The following CRISPLD2 variants were observed in gnomAD, a reference collection of about 807,000 sequenced individuals.
CRISPLD2 encodes cysteine rich secretory protein LCCL domain containing 2.
In CRISPLD2, 47 loss-of-function variants were observed where a neutral mutation model predicts 71.1. The ratio of observed to expected loss-of-function variants is 0.66; its 90% CI spans 0.52 to 0.84. The LOEUF is 0.84. Ranked by LOEUF, CRISPLD2 falls within the 40% of genes least tolerant of loss-of-function variation. CRISPLD2 has a pLI of 0.00. For synonymous variants in CRISPLD2, 317 were observed against 250.1 expected (o/e 1.27, Z -2.52); for missense variants, 830 against 651.1 (o/e 1.27, Z -2.99).
chr16:84,851,329 G>C (rs1917083744), intron 5 of CRISPLD2, among the ~76,000 whole-genome samples: 1 of 152,236 alleles, frequency 6.6e-6, no homozygotes, highest in Non-Finnish European at 1.5e-5. Flanking sequence ...TCCAGCCCTT[G>C]ACTCATTTGC....
At chr16:84,825,728 C>G (rs1406273197) in intron 1 of CRISPLD2, among the ~76,000 whole-genome samples, 3 of 151,928 alleles carry the variant, frequency 2.0e-5, no homozygotes, top group African/African-American at 7.3e-5. Flanking sequence ...GCACTCCAGC[C>G]TGGGTGACAG....
At chr16:84,837,522 T>G (rs12448841) in intron 1 of CRISPLD2, among the ~76,000 whole-genome samples, 1 of 151,164 alleles carries the variant, frequency 6.6e-6, no homozygotes, top group Non-Finnish European at 1.5e-5. Flanking sequence ...GTTCACGCCA[T>G]TCTCCCGCCT....
chr16:84,846,090 C>G (rs1204598504), intron 3 of CRISPLD2, 186 bp downstream of exon 3: 2 of 494,186 alleles, frequency 4.0e-6, no homozygotes, highest in African/African-American at 3.9e-5. Flanking sequence ...AAAATGTATT[C>G]AAGCTTGGTT....
At chr16:84,828,526 C>A (rs1364832659) in intron 1 of CRISPLD2, among the ~76,000 whole-genome samples, 1 of 152,126 alleles carries the variant, frequency 6.6e-6, no homozygotes, top group Non-Finnish European at 1.5e-5. Context: ...AATTCCTTTC[C>A]CTTCGGAGAG....
rs1220421651 is a variant in CRISPLD2, at chr16:84,906,667, GC to G, written c.*26del. On this transcript the variant is annotated 3_prime_UTR_variant, in exon 15 of 15. Coordinates refer to ENST00000262424, the MANE Select transcript of CRISPLD2 (RefSeq NM_031476.4). The stretch of plus-strand genomic sequence containing the variant: ...AATTTCCAGCACCAGGGGAGAAGGG[GC>G]GTCTTCAGGAGGGCTTCGGGGTTTT... 1.2e-6 allele frequency: 2 copies of G among 1,613,936 alleles called. No homozygotes were observed. Among genetic ancestry groups the G allele is most frequent in the Admixed American group, 3.3e-5 (2 of 60,024 alleles).
chr16:84,836,767 T>C (rs1002063616), intron 1 of CRISPLD2, among the ~76,000 whole-genome samples: 1 of 152,156 alleles, frequency 6.6e-6, no homozygotes, highest in Admixed American at 6.5e-5. Flanking sequence ...ACTGCCACTG[T>C]CCCAGCCAAC....
At chr16:84,869,177 C>A (rs2071443602) in intron 8 of CRISPLD2, among the ~76,000 whole-genome samples, 1 of 152,088 alleles carries the variant, frequency 6.6e-6, no homozygotes, top group African/African-American at 2.4e-5. Flanking sequence ...CCGGTATATT[C>A]CCCCCATGGT....
chr16:84,835,812 C>T (rs1371780764), intron 1 of CRISPLD2, among the ~76,000 whole-genome samples: 1 of 152,246 alleles, frequency 6.6e-6, no homozygotes, highest in Non-Finnish European at 1.5e-5. Flanking sequence ...ACAAAGGCGG[C>T]CAGTCAGATC....
At chr16:84,879,361 C>CT (rs376471544) in intron 12 of CRISPLD2, among the ~76,000 whole-genome samples, 21,256 of 83,118 alleles carry the variant, frequency 0.26, 2,002 homozygotes, top group Middle Eastern at 0.47. Context: ...CTTTCCAATT[C>CT]TTTTTTTTTT....
chr16:84,874,017 C>G, intron 11 of CRISPLD2, 54 bp downstream of exon 11: 2 of 1,486,276 alleles, frequency 1.3e-6, no homozygotes, highest in Non-Finnish European at 1.8e-6. Flanking sequence ...CTCAGATTTT[C>G]CTGGAAATTT....
intron 14 of CRISPLD2, among the ~76,000 whole-genome samples, chr16:84,893,516 G>A (rs2071680578): frequency 6.6e-6 from 1 of 152,162 alleles, no homozygotes; most frequent in Non-Finnish European, 1.5e-5. Flanking sequence ...CGATGTCCCT[G>A]GCACCCAGGA....
In CRISPLD2 at chr16:84,850,515, A is replaced by T; in HGVS notation, c.493-53A>T. 4 of 1,486,784 alleles carry T rather than the reference A, an allele frequency of 2.7e-6. No homozygotes were observed. The South Asian group carries it at 4.5e-5, about 17-fold the overall frequency. The allele number at this position is 1,486,784 out of a possible 1,614,324, so 92.1% of individuals were successfully genotyped here. On this transcript the variant is annotated intron_variant, in intron 4 of 14. Transcript: ENST00000262424. ...TTATACATCCAGGCCAAATGATATC[A>T]CCCTTTTGTGCCTTATCCCTCGAGC...
intron 1 of CRISPLD2, among the ~76,000 whole-genome samples, chr16:84,829,474 G>A (rs1236432521): frequency 3.3e-5 from 5 of 152,154 alleles, no homozygotes; most frequent in Non-Finnish European, 7.4e-5. Context: ...GTGGTTTGTG[G>A]GTATGACTCT....
intron 5 of CRISPLD2, among the ~76,000 whole-genome samples, chr16:84,852,345 AGGCTCTCT>A (rs60112322): frequency 0.56 from 85,649 of 151,638 alleles, 26,062 homozygotes; most frequent in East Asian, 0.82. Flanking sequence ...CATGCCCCAG[AGGCTCTCT>A]CGTGCCCTAC....
chr16:84,859,508 G>A (rs181826112), intron 6 of CRISPLD2, among the ~76,000 whole-genome samples: 1 of 152,328 alleles, frequency 6.6e-6, no homozygotes, highest in Non-Finnish European at 1.5e-5. Context: ...CAGTAGCGTA[G>A]TGGGGTCCTT....
chr16:84,824,420 C>G (rs1916301761), intron 1 of CRISPLD2, among the ~76,000 whole-genome samples: 1 of 152,150 alleles, frequency 6.6e-6, no homozygotes, highest in Admixed American at 6.5e-5. Context: ...CCTAGGGGTC[C>G]CCAAGGTGAC....
intron 3 of CRISPLD2, among the ~76,000 whole-genome samples, chr16:84,848,130 G>A (rs1597455959): frequency 6.6e-6 from 1 of 152,136 alleles, no homozygotes; most frequent in Non-Finnish European, 1.5e-5. Context: ...CGGGGCAGCC[G>A]CGGGTTCCTT....
intron 1 of CRISPLD2, among the ~76,000 whole-genome samples, chr16:84,831,135 G>T (rs1256743069): frequency 1.3e-5 from 2 of 152,192 alleles, no homozygotes; most frequent in East Asian, 1.9e-4. Context: ...GTGCCCATGG[G>T]CCTGTCAACT....
intron 1 of CRISPLD2, among the ~76,000 whole-genome samples, chr16:84,832,749 C>G (rs1916519076): frequency 6.6e-6 from 1 of 152,208 alleles, no homozygotes; most frequent in Admixed American, 6.5e-5. Context: ...GGCTGACAGG[C>G]TAAGTCCCGA....
Sources: allele counts gnomAD v4.1 joint callset (sites outside exome capture counted in the v4.1 genomes callset), GRCh38; gene constraint gnomAD v4.1.1; transcripts MANE v1.5; gene names NCBI Gene and HGNC (gene_info 2026-07-23, HGNC 2026-07-21).